FAAH2: variants seen among roughly 807,000 people sequenced by gnomAD.
The protein encoded by FAAH2 is fatty-acid amide hydrolase 2.
In FAAH2, 60 loss-of-function variants were observed where a neutral mutation model predicts 36.9. That is an observed-to-expected ratio of 1.63 (90% CI 1.32 to 2.02). FAAH2 has a LOEUF of 2.02. Among genes scored for constraint, FAAH2 ranks in the 30% most tolerant of loss-of-function variants. The probability of loss-of-function intolerance (pLI) is 0.00; values close to 1 mark genes in which losing one functional copy is unlikely to be tolerated. For synonymous variants in FAAH2, 214 were observed against 143.8 expected, an observed-to-expected ratio of 1.49 and a Z score of -3.49; for missense variants, 689 against 397.5, an observed-to-expected ratio of 1.73 and a Z score of -6.23.
chrX:57,445,578 C>T (rs1004432644), intron 8 of FAAH2, among the ~76,000 whole-genome samples: 2 of 111,909 alleles, frequency 1.8e-5, no homozygotes, highest in Non-Finnish European at 1.9e-5. Flanking sequence ...CACTTCAGGA[C>T]AGTCAATTCC....
chrX:57,297,072 G>A (rs1260782708), intron 2 of FAAH2, among the ~76,000 whole-genome samples: 2 of 110,488 alleles, frequency 1.8e-5, no homozygotes, highest in East Asian at 2.8e-4. Flanking sequence ...AGCAAGGCAG[G>A]CCAACATTCA....
chrX:57,299,511 CA>C (rs1302971657), intron 2 of FAAH2, among the ~76,000 whole-genome samples: 1 of 111,470 alleles, frequency 9.0e-6, no homozygotes, highest in African/African-American at 3.3e-5. Flanking sequence ...ACTGAATGGA[CA>C]AAAACTGGAA....
At chrX:57,392,188 T>C (rs1260944351) in intron 7 of FAAH2, among the ~76,000 whole-genome samples, 1 of 111,423 alleles carries the variant, frequency 9.0e-6, no homozygotes, top group Non-Finnish European at 1.9e-5. Flanking sequence ...ACCAAAATTG[T>C]TTATCAAATA....
At chrX:57,284,959 C>T (rs2051789970), upstream of FAAH2, among the ~76,000 whole-genome samples, 1 of 112,064 alleles carries the variant, frequency 8.9e-6, no homozygotes, top group Admixed American at 9.4e-5. Context: ...TTCTTTGTAC[C>T]TCAGGCTCAC....
chrX:57,250,791 C>G, the FAAH2 span, among the ~76,000 whole-genome samples: 6 of 109,940 alleles, frequency 5.5e-5, no homozygotes, highest in Non-Finnish European at 1.1e-4. Flanking sequence ...AACATTCAAC[C>G]TAAAAAGACT....
chrX:57,176,854 G>A, the FAAH2 span, among the ~76,000 whole-genome samples: 1 of 111,137 alleles, frequency 9.0e-6, no homozygotes, highest in Admixed American at 9.6e-5. Context: ...AAGATTCTGT[G>A]TGAGTTCCTT....
chrX:57,228,840 G>A, the FAAH2 span, among the ~76,000 whole-genome samples: 114 of 110,949 alleles, frequency 1.0e-3, 1 homozygote, highest in Non-Finnish European at 1.8e-3. Context: ...ATGATTCTGG[G>A]GTCTGATTTT....
intron 10 of FAAH2, among the ~76,000 whole-genome samples, chrX:57,466,113 C>T (rs2057042291): frequency 1.0e-5 from 1 of 97,065 alleles, no homozygotes; most frequent in Non-Finnish European, 2.0e-5. Context: ...AGCTATAGCA[C>T]TGTATTGTTG....
chrX:57,179,394 C>T, the FAAH2 span, among the ~76,000 whole-genome samples: 1 of 111,769 alleles, frequency 8.9e-6, no homozygotes, highest in Admixed American at 9.5e-5. Flanking sequence ...CATGCAATGA[C>T]ACCCATTGGC....
In FAAH2 at chrX:57,434,759, A is replaced by G. The variant is rs752721385; in HGVS notation, c.1116+2722A>G. 2.7e-5 allele frequency among the ~76,000 whole-genome samples: 3 copies of G among 111,665 alleles called. No homozygotes were observed. In the Admixed American group the frequency reaches 2.9e-4, roughly 11 times the overall value. ...GGAAGCATCTCAAGTGTAGCAAGAG[A>G]TTTAGACATCCAGATACAGTAGTCC... On this transcript the variant is annotated intron_variant, in intron 8 of 10. Transcript: ENST00000374900.
intron 5 of FAAH2, among the ~76,000 whole-genome samples, chrX:57,346,374 C>G (rs2053822217): frequency 9.0e-6 from 1 of 111,407 alleles, no homozygotes; most frequent in Non-Finnish European, 1.9e-5. Flanking sequence ...TTATATTATG[C>G]CCTTCTTTGT....
the FAAH2 span, among the ~76,000 whole-genome samples, chrX:57,130,772 G>A: frequency 9.0e-6 from 1 of 111,488 alleles, no homozygotes; most frequent in Non-Finnish European, 1.9e-5. Flanking sequence ...ATTTAAACAA[G>A]CGAGCTCAGC....
intron 3 of FAAH2, 140 bp downstream of exon 3, chrX:57,310,869 C>A (rs1602233511): frequency 1.6e-6 from 1 of 642,832 alleles, no homozygotes; most frequent in Non-Finnish European, 2.2e-6. Flanking sequence ...AGGAAATATT[C>A]AGCAAGTTCC....
Position 57,306,710 on chromosome X carries a change from GTGTGT to G in FAAH2, c.276-3882_276-3878del, listed in dbSNP as rs2052534340. Among the ~76,000 whole-genome samples the G allele has an allele frequency of 5.6e-5, 4 of 70,899 alleles. No homozygotes were observed. In the East Asian group the frequency reaches 1.7e-3, roughly 31 times the overall value. The allele number at this position is 70,899 out of a possible 115,157, so 61.6% of individuals were successfully genotyped here. On this transcript the variant is annotated intron_variant, in intron 2 of 10. Coordinates refer to ENST00000374900, the MANE Select transcript of FAAH2 (RefSeq NM_174912.4). ...ACATCTTGTGTGTGTGTGTGTGTGT[GTGTGT>G]GTGTGTGTGTGTGTGTATATATATA... is the stretch of plus-strand genomic sequence containing the variant.
At chrX:57,380,257 G>A (rs1411798306) in intron 6 of FAAH2, among the ~76,000 whole-genome samples, 1 of 110,550 alleles carries the variant, frequency 9.0e-6, no homozygotes, top group Non-Finnish European at 1.9e-5. Context: ...CTCTCAGAAT[G>A]ACTCCATCTA....
chrX:57,439,742 G>A (rs773697019), intron 8 of FAAH2, among the ~76,000 whole-genome samples: 31 of 111,750 alleles, frequency 2.8e-4, no homozygotes, highest in East Asian at 8.4e-4. Flanking sequence ...TAGGTCTAAC[G>A]TTTAAGTCTT....
the FAAH2 span, among the ~76,000 whole-genome samples, chrX:57,172,614 C>T: frequency 8.9e-6 from 1 of 112,261 alleles, no homozygotes; most frequent in Non-Finnish European, 1.9e-5. Context: ...AGAATTGAAT[C>T]ACACGTGGGC....
intron 5 of FAAH2, among the ~76,000 whole-genome samples, chrX:57,342,659 C>T (rs763037405): frequency 2.1e-4 from 23 of 110,754 alleles, no homozygotes; most frequent in Non-Finnish European, 3.4e-4. Flanking sequence ...GGCACATATG[C>T]GGGCTTATTA....
intron 7 of FAAH2, among the ~76,000 whole-genome samples, chrX:57,417,525 C>T (rs1285146146): frequency 8.9e-6 from 1 of 112,308 alleles, no homozygotes; most frequent in Non-Finnish European, 1.9e-5. Context: ...GAAGTCCACT[C>T]CAGACCCTGT....
Sources: gnomAD v4.1 joint callset for allele counts (sites outside exome capture counted in the v4.1 genomes callset) on GRCh38, gnomAD v4.1.1 for gene constraint, MANE v1.5 for transcripts, NCBI Gene and HGNC (gene_info 2026-07-23, HGNC 2026-07-21) for gene names.